The following CYP20A1 variants were observed in gnomAD, a reference collection of about 807,000 sequenced individuals.
The protein encoded by CYP20A1 is cytochrome P450 family 20 subfamily A member 1.
CYP20A1 carries 61 observed loss-of-function variants against 61.4 expected under a neutral mutation model. The ratio of observed to expected loss-of-function variants is 0.99; its 90% CI spans 0.81 to 1.23. The LOEUF is 1.23. CYP20A1 is among the 50% of genes most tolerant of loss of function. The probability of loss-of-function intolerance (pLI) is 0.00; values close to 1 mark genes in which losing one functional copy is unlikely to be tolerated. For synonymous variants in CYP20A1, 193 were observed against 188.2 expected, an observed-to-expected ratio of 1.03 and a Z score of -0.21; for missense variants, 530 against 542.4, an observed-to-expected ratio of 0.98 and a Z score of 0.23.
rs1209517764 is a variant in CYP20A1 at position 203,252,273 on chromosome 2, CAAAAG to C, written c.432+174_432+178del. 3.3e-5 allele frequency among the ~76,000 whole-genome samples: 5 copies of C among 151,634 alleles called. No homozygotes were observed. The East Asian group carries it at 5.8e-4, about 18-fold the overall frequency. ...ACAACAATAACAAAACACACACACACAAAAGAAAAGAAAACAAAAATCTTAACATC... is the reference window on the plus strand; with the variant it reads ...ACAACAATAACAAAACACACACACACAAAAGAAAACAAAAATCTTAACATC... On this transcript the variant is annotated intron_variant, in intron 4 of 12. Transcript: ENST00000356079.
chr2:203,247,693 C>T (rs1283660954), intron 3 of CYP20A1, among the ~76,000 whole-genome samples: 1 of 151,918 alleles, frequency 6.6e-6, no homozygotes, highest in Non-Finnish European at 1.5e-5. Flanking sequence ...CCTGTCTTTA[C>T]TAAAAATACA....
At chr2:203,279,952 C>T in intron 7 of CYP20A1, 107 bp from the exon 8 acceptor site, 1 of 657,312 alleles carries the variant, frequency 1.5e-6, no homozygotes, top group Non-Finnish European at 2.3e-6. Flanking sequence ...AAATAATATA[C>T]TTTTTTTTTC....
chr2:203,280,142 G>A (rs1301743436), intron 8 of CYP20A1, 29 bp downstream of exon 8: 1 of 1,556,902 alleles, frequency 6.4e-7, no homozygotes, highest in African/African-American at 1.4e-5. Flanking sequence ...CTTTTTCAGA[G>A]GAATTACTAA....
chr2:203,295,640 A>T (rs749965684), intron 11 of CYP20A1, among the ~76,000 whole-genome samples: 1 of 152,174 alleles, frequency 6.6e-6, no homozygotes, highest in Non-Finnish European at 1.5e-5. Context: ...TATATTTTGC[A>T]TCTATCATTT....
rs764053902 is a variant in CYP20A1, at chr2:203,303,652, G to A, written c.*6744G>A. On this transcript the variant is annotated 3_prime_UTR_variant, in exon 13 of 13. Transcript: ENST00000356079. ...GGAGGTTGCAGTGAGCCGAGATCGC[G>A]CCATTGCACTCCAGTGTGGGTGACG... 5.3e-5 allele frequency among the ~76,000 whole-genome samples: 8 copies of A among 151,644 alleles called. No homozygotes were observed. Among genetic ancestry groups the A allele is most frequent in the Non-Finnish European group, 1.2e-4 (8 of 67,894 alleles).
At position 203,303,050 on chromosome 2, in the gene CYP20A1, G is replaced by T. The variant is rs2069084661; in HGVS notation, c.*6142G>T. The stretch of plus-strand genomic sequence containing the variant: ...GAGTCTCGCTGTGTCACCCAGGCTG[G>T]AGTGTGGTGGCACGATCTTGGCTCA... On this transcript the variant is annotated 3_prime_UTR_variant, in exon 13 of 13. Transcript: ENST00000356079. Among the ~76,000 whole-genome samples, 1 of 151,400 alleles carries T rather than the reference G, an allele frequency of 6.6e-6. No individual in the cohort carries two copies. The highest frequency in any genetic ancestry group is 1.5e-5 in the Non-Finnish European group (1 of 67,916).
intron 1 of CYP20A1, among the ~76,000 whole-genome samples, chr2:203,243,398 T>TTC (rs2066328750): frequency 6.7e-6 from 1 of 149,640 alleles, no homozygotes; most frequent in Non-Finnish European, 1.5e-5. Flanking sequence ...CTCGCCTCTT[T>TTC]CTTTTTTTTT....
chr2:203,265,156 T>C (rs909922683), intron 4 of CYP20A1, among the ~76,000 whole-genome samples: 1 of 152,224 alleles, frequency 6.6e-6, no homozygotes, highest in Admixed American at 6.5e-5. Context: ...TTTGGCAGTA[T>C]TCAAACTTAG....
rs543397888 is a variant in CYP20A1 at position 203,304,873 on chromosome 2, T to A, written c.*7965T>A. ...ATTGCTTGAGCCCAGGAGGTAGAGG[T>A]TGCAGTGAGCCATGATCATGCCACT... is the stretch of plus-strand genomic sequence containing the variant. On this transcript the variant is annotated 3_prime_UTR_variant, in exon 13 of 13. Coordinates refer to ENST00000356079, the MANE Select transcript of CYP20A1 (RefSeq NM_177538.3). Among the ~76,000 whole-genome samples, 16 of 152,102 alleles carry A rather than the reference T, an allele frequency of 1.1e-4. No individual in the cohort carries two copies. Among genetic ancestry groups the A allele is most frequent in the African/African-American group, 3.9e-4 (16 of 41,494 alleles).
At chr2:203,278,730 C>CAG in intron 7 of CYP20A1, 42 bp downstream of exon 7, 1 of 1,096,444 alleles carries the variant, frequency 9.1e-7, no homozygotes, top group Admixed American at 2.3e-5. Flanking sequence ...AAAAATAAGC[C>CAG]AGAGCCAGGC....
At chr2:203,268,040 C>T (rs992521754) in intron 5 of CYP20A1, among the ~76,000 whole-genome samples, 1 of 152,104 alleles carries the variant, frequency 6.6e-6, no homozygotes, top group Non-Finnish European at 1.5e-5. Flanking sequence ...ATCCTTCACC[C>T]AGGTTCAGCA....
At chr2:203,250,308 C>A (rs1390812273) in intron 3 of CYP20A1, among the ~76,000 whole-genome samples, 1 of 152,112 alleles carries the variant, frequency 6.6e-6, no homozygotes, top group Non-Finnish European at 1.5e-5. Flanking sequence ...CTATTCCAAG[C>A]CCTTTACAAA....
At chr2:203,277,354 A>AAAG (rs1553517217) in intron 6 of CYP20A1, among the ~76,000 whole-genome samples, 1 of 147,702 alleles carries the variant, frequency 6.8e-6, no homozygotes, top group Non-Finnish European at 1.5e-5. Context: ...TCTCAAAAAA[A>AAAG]AAAAGAAAAA....
At chr2:203,256,964 C>T (rs2066915446) in intron 4 of CYP20A1, among the ~76,000 whole-genome samples, 1 of 152,212 alleles carries the variant, frequency 6.6e-6, no homozygotes, top group East Asian at 1.9e-4. Context: ...CCTCCATGTA[C>T]CATCTCTAAA....
At chr2:203,280,200 G>T in intron 8 of CYP20A1, 87 bp downstream of exon 8, 1 of 1,012,806 alleles carries the variant, frequency 9.9e-7, no homozygotes, top group South Asian at 2.0e-5. Context: ...CCAACACTTG[G>T]GGAGGCTGAG....
chr2:203,272,759 T>A lies in CYP20A1; in HGVS notation c.679+11T>A, dbSNP rs762765928. 1 of 1,549,406 alleles carries A rather than the reference T, an allele frequency of 6.5e-7. No homozygotes were observed. On this transcript the variant is annotated intron_variant, in intron 6 of 12. Coordinates refer to ENST00000356079, the MANE Select transcript of CYP20A1 (RefSeq NM_177538.3). ...AACAATATGAAGATGGTAAGTTTGGTCACTTAATTTTTAGTGAGGACAAAA... is the reference window on the plus strand; with the variant it reads ...AACAATATGAAGATGGTAAGTTTGGACACTTAATTTTTAGTGAGGACAAAA...
chr2:203,291,002 A>T, intron 10 of CYP20A1, among the ~76,000 whole-genome samples: 1 of 152,126 alleles, frequency 6.6e-6, no homozygotes, highest in Non-Finnish European at 1.5e-5. Context: ...TATTTTTTTT[A>T]ATTATATACT....
At chr2:203,263,287 C>CTTT (rs78877357) in intron 4 of CYP20A1, among the ~76,000 whole-genome samples, 1 of 134,740 alleles carries the variant, frequency 7.4e-6, no homozygotes, top group Non-Finnish European at 1.6e-5. Flanking sequence ...CTGCGCCTGG[C>CTTT]TTTTTTTTTT....
chr2:203,284,508 T>C (rs2068182973), intron 8 of CYP20A1, among the ~76,000 whole-genome samples: 1 of 152,186 alleles, frequency 6.6e-6, no homozygotes, highest in Non-Finnish European at 1.5e-5. Context: ...TTTCTCAACA[T>C]GTAATTTCTT....
Sources: gnomAD v4.1 joint callset for allele counts (sites outside exome capture counted in the v4.1 genomes callset) on GRCh38, gnomAD v4.1.1 for gene constraint, MANE v1.5 for transcripts, NCBI Gene and HGNC (gene_info 2026-07-23, HGNC 2026-07-21) for gene names.